ANKRD31: variants seen among roughly 807,000 people sequenced by gnomAD.
ANKRD31 encodes ankyrin repeat domain 31.
Under a neutral mutation model 186.0 loss-of-function variants are expected in ANKRD31, and 147 were observed. That is an observed-to-expected ratio of 0.79 (90% CI 0.69 to 0.91). The LOEUF (loss-of-function observed/expected upper bound fraction) is 0.91. Ranked by LOEUF, ANKRD31 falls within the 40% of genes least tolerant of loss-of-function variation. The pLI is 0.00. For missense variants in ANKRD31, 1,986 were observed against 2,148.8 expected (o/e 0.92, Z 1.50); for synonymous variants, 673 against 736.4 (o/e 0.91, Z 1.39).
chr5:75,154,106 A>G, intron 12 of ANKRD31, 95 bp downstream of exon 12: 1 of 1,202,020 alleles, frequency 8.3e-7, no homozygotes, highest in East Asian at 2.7e-5. Context: ...CTCAACACTC[A>G]TGAGAAAAAT....
At chr5:75,130,974 C>T (rs746124591) in intron 17 of ANKRD31, among the ~76,000 whole-genome samples, 29 of 152,358 alleles carry the variant, frequency 1.9e-4, no homozygotes, top group Non-Finnish European at 3.1e-4. Context: ...GATGGAGAAC[C>T]GCCATTTTGG....
chr5:75,138,782 G>T lies in ANKRD31; in HGVS notation c.3733+64C>A, dbSNP rs1479911836. ...AGGAACAAATTGGAGGGGGCAGGAG[G>T]TGTTGAAATGTGTATTTCAGTGAGT... On this transcript the variant is annotated intron_variant, in intron 16 of 25. Coordinates refer to ENST00000506364, the MANE Select transcript of ANKRD31 (RefSeq NM_001372053.1). The T allele has an allele frequency of 2.0e-6, 3 of 1,470,458 alleles. No homozygotes were observed. In the African/African-American group the frequency reaches 4.2e-5, roughly 21 times the overall value. 91.1% of individuals were successfully genotyped at this position (1,470,458 alleles called of 1,614,324 possible). A position where few individuals can be genotyped will look rare whatever the true frequency, so the allele number is the denominator to read the frequency against.
At chr5:75,131,878 TG>T (rs2150112086) in intron 17 of ANKRD31, among the ~76,000 whole-genome samples, 1 of 152,292 alleles carries the variant, frequency 6.6e-6, no homozygotes, top group African/African-American at 2.4e-5. Flanking sequence ...CAGCCTCCGC[TG>T]GTGATACCCA....
intron 3 of ANKRD31, among the ~76,000 whole-genome samples, chr5:75,220,143 A>G (rs1340228379): frequency 2.0e-5 from 3 of 152,210 alleles, no homozygotes; most frequent in Non-Finnish European, 4.4e-5. Context: ...GACAAATGGG[A>G]CCTAATTAAA....
At chr5:75,187,578 G>A (rs778176061) in intron 10 of ANKRD31, among the ~76,000 whole-genome samples, 4 of 152,110 alleles carry the variant, frequency 2.6e-5, no homozygotes, top group Non-Finnish European at 5.9e-5. Context: ...AATACCAACA[G>A]AAAGAACCGC....
At chr5:75,175,655 A>G (rs1340828505) in intron 10 of ANKRD31, among the ~76,000 whole-genome samples, 1 of 149,590 alleles carries the variant, frequency 6.7e-6, no homozygotes, top group African/African-American at 2.5e-5. Flanking sequence ...AAACACACAC[A>G]CACACACACA....
At chr5:75,169,861 C>T (rs1181366515) in intron 10 of ANKRD31, among the ~76,000 whole-genome samples, 1 of 152,106 alleles carries the variant, frequency 6.6e-6, no homozygotes, top group African/African-American at 2.4e-5. Flanking sequence ...CATCCCTGGC[C>T]TCAACCCACC....
intron 20 of ANKRD31, among the ~76,000 whole-genome samples, chr5:75,111,539 G>C (rs961960545): frequency 1.3e-5 from 2 of 152,148 alleles, no homozygotes; most frequent in African/African-American, 4.8e-5. Context: ...ATACAAACAT[G>C]AGTTAGGACA....
chr5:75,088,586 T>C (rs915096137), intron 23 of ANKRD31, among the ~76,000 whole-genome samples: 1 of 152,230 alleles, frequency 6.6e-6, no homozygotes, highest in East Asian at 1.9e-4. Flanking sequence ...GGCTAGATTG[T>C]ACTGTGTGCT....
intron 10 of ANKRD31, among the ~76,000 whole-genome samples, chr5:75,187,144 G>A (rs1198933734): frequency 2.0e-5 from 3 of 148,860 alleles, no homozygotes; most frequent in South Asian, 2.1e-4. Flanking sequence ...GTGTGTGTGT[G>A]TGTGTTTTGG....
chr5:75,161,834 C>T (rs1752590977), intron 11 of ANKRD31, among the ~76,000 whole-genome samples: 2 of 152,218 alleles, frequency 1.3e-5, no homozygotes, highest in Non-Finnish European at 2.9e-5. Flanking sequence ...AGGGTTCAAG[C>T]CCCTAACCTT....
intron 23 of ANKRD31, among the ~76,000 whole-genome samples, chr5:75,089,081 T>A (rs1283163230): frequency 3.3e-5 from 5 of 152,132 alleles, no homozygotes; most frequent in Non-Finnish European, 5.9e-5. Context: ...TAGGCACTAG[T>A]GGTTTCTAAA....
intron 18 of ANKRD31, among the ~76,000 whole-genome samples, chr5:75,117,432 C>T (rs1244673779): frequency 3.9e-5 from 6 of 152,106 alleles, no homozygotes; most frequent in Non-Finnish European, 8.8e-5. Flanking sequence ...CATGATCTAG[C>T]CCTCTGGTGA....
chr5:75,201,168 T>C (rs1433021027), intron 5 of ANKRD31, among the ~76,000 whole-genome samples: 1 of 152,094 alleles, frequency 6.6e-6, no homozygotes, highest in African/African-American at 2.4e-5. Context: ...TAAAAGATAA[T>C]AATAATAAAC....
intron 10 of ANKRD31, among the ~76,000 whole-genome samples, chr5:75,187,022 A>AGTGTGTGTGTGTGTGT (rs10624220): frequency 1.4e-5 from 2 of 142,612 alleles, no homozygotes; most frequent in Admixed American, 7.1e-5. Context: ...TGAGACACAG[A>AGTGTGTGTGTGTGTGT]GTGTGTGTGT....
At chr5:75,179,961 CAT>C (rs1266069111) in intron 10 of ANKRD31, among the ~76,000 whole-genome samples, 2 of 152,182 alleles carry the variant, frequency 1.3e-5, no homozygotes, top group Admixed American at 1.3e-4. Context: ...TTTCAGATGA[CAT>C]GATTGTATAT....
chr5:75,195,848 T>A lies in ANKRD31; in HGVS notation c.800A>T (p.Asn267Ile). Residue 267 changes from asparagine to isoleucine, a missense_variant, in exon 7 of 26, where the codon AAT (asparagine) becomes ATT (isoleucine). Asn to Ile is a moderately radical substitution (Grantham distance 149, BLOSUM62 -3). Transcript: ENST00000506364. ...DSLSSISIPL[N>I]SWSACHRDLL... ...ATCTCTATGACATGCCGACCAGGAA[T>A]TCAAAGGTATTGATATGGAACTAAG... 1 of 1,537,168 alleles carries A rather than the reference T, an allele frequency of 6.5e-7. No individual in the cohort carries two copies. The highest frequency in any genetic ancestry group is 8.7e-7 in the Non-Finnish European group (1 of 1,146,862).
intron 21 of ANKRD31, among the ~76,000 whole-genome samples, chr5:75,107,137 T>C (rs1180016028): frequency 1.3e-5 from 2 of 151,910 alleles, no homozygotes; most frequent in East Asian, 3.9e-4. Flanking sequence ...ACAAAATTAA[T>C]CAACTGATTG....
Position 75,105,062 on chromosome 5 carries a change from A to G in ANKRD31, c.4497T>C (p.Ser1499=). ...CRNVTSLPCL[S]LRKLPPRSEI... is the part of the protein sequence containing the mutation. The stretch of plus-strand genomic sequence containing the variant: ...CTGATCTGGGTGGGAGCTTCCTTAA[A>G]CTAAGACAAGGCAATGATGTAACAT... Residue 1499 remains serine, a synonymous_variant, in exon 22 of 26, where the codon AGT becomes AGC. Coordinates refer to ENST00000506364, the MANE Select transcript of ANKRD31 (RefSeq NM_001372053.1). 6.5e-7 allele frequency: 1 copy of G among 1,536,474 alleles called. No homozygotes were observed.
Sources: gnomAD v4.1 joint callset for allele counts (sites outside exome capture counted in the v4.1 genomes callset) on GRCh38, gnomAD v4.1.1 for gene constraint, MANE v1.5 for transcripts, NCBI Gene and HGNC (gene_info 2026-07-23, HGNC 2026-07-21) for gene names.